Variants in SNTG2 observed in about 807,000 individuals in gnomAD.
The protein encoded by SNTG2 is gamma-2-syntrophin.
A neutral mutation model predicts 70.9 loss-of-function variants in SNTG2; 74 were observed. The ratio of observed to expected loss-of-function variants is 1.04; its 90% CI spans 0.86 to 1.27. The LOEUF is 1.27. Among genes scored for constraint, SNTG2 ranks in the 50% most tolerant of loss-of-function variants. The pLI, the probability that SNTG2 is intolerant of heterozygous loss-of-function variation, is 0.00. For synonymous variants in SNTG2, 278 were observed against 273.8 expected (o/e 1.02, Z -0.15); for missense variants, 717 against 690.7 (o/e 1.04, Z -0.43).
At chr2:1,005,004 G>A (rs1449167103) in intron 1 of SNTG2, among the ~76,000 whole-genome samples, 2 of 152,120 alleles carry the variant, frequency 1.3e-5, no homozygotes, top group East Asian at 3.8e-4. Context: ...TTATTCAACA[G>A]TAAAAAGAAA....
chr2:1,249,653 T>C (rs1036278160), intron 12 of SNTG2, among the ~76,000 whole-genome samples: 1 of 152,252 alleles, frequency 6.6e-6, no homozygotes, highest in Admixed American at 6.5e-5. Flanking sequence ...TAAGCAACTT[T>C]CCTTCAGTAT....
rs144486145 is a variant in SNTG2 at position 1,284,177 on chromosome 2, C to A, written c.1284+16606C>A. Among the ~76,000 whole-genome samples the A allele has an allele frequency of 1.1e-3, 161 of 152,276 alleles. 1 individual carries two copies. Among genetic ancestry groups the A allele is most frequent in the African/African-American group, 3.8e-3 (156 of 41,558 alleles). On this transcript the variant is annotated intron_variant, in intron 14 of 16. Transcript: ENST00000308624. ...AATTTAATTCGATTGGAACTAAGAG[C>A]GCTGGTGGTAATGTTTCTATTTCTG...
chr2:1,089,462 C>G (rs1664879656), intron 2 of SNTG2, among the ~76,000 whole-genome samples: 1 of 152,064 alleles, frequency 6.6e-6, no homozygotes, highest in African/African-American at 2.4e-5. Context: ...TGGTGAAACC[C>G]CGTTTCTACT....
At chr2:1,232,918 A>G (rs907975704) in intron 9 of SNTG2, among the ~76,000 whole-genome samples, 1 of 152,146 alleles carries the variant, frequency 6.6e-6, no homozygotes, top group Non-Finnish European at 1.5e-5. Context: ...TTATTTTCCA[A>G]AGCATGAAGG....
At chr2:1,000,009 AAAC>A (rs1359952540) in intron 1 of SNTG2, among the ~76,000 whole-genome samples, 1 of 151,964 alleles carries the variant, frequency 6.6e-6, no homozygotes, top group African/African-American at 2.4e-5. Context: ...TATGGAAATA[AAAC>A]AACCTGGTCC....
intron 1 of SNTG2, among the ~76,000 whole-genome samples, chr2:1,071,422 A>G (rs1227204425): frequency 4.8e-5 from 7 of 146,156 alleles, no homozygotes; most frequent in African/African-American, 1.8e-4. Flanking sequence ...AACACCGCAT[A>G]TTCTCGCTCA....
chr2:1,060,363 G>A (rs979108649), intron 1 of SNTG2, among the ~76,000 whole-genome samples: 1 of 152,170 alleles, frequency 6.6e-6, no homozygotes, highest in African/African-American at 2.4e-5. Flanking sequence ...GTGTATGTGT[G>A]TACTGTGTGT....
At chr2:1,206,251 C>A (rs1039819025) in intron 8 of SNTG2, among the ~76,000 whole-genome samples, 1 of 152,210 alleles carries the variant, frequency 6.6e-6, no homozygotes, top group Admixed American at 6.5e-5. Flanking sequence ...TGAGCAGCAC[C>A]TACCTTGAGC....
intron 7 of SNTG2, among the ~76,000 whole-genome samples, chr2:1,170,431 CTT>C (rs1671050741): frequency 6.6e-6 from 1 of 152,174 alleles, no homozygotes; most frequent in Non-Finnish European, 1.5e-5. Context: ...CTTCCTGTCT[CTT>C]TGTGGGTAAT....
At chr2:1,248,793 T>G (rs1197710613) in intron 12 of SNTG2, among the ~76,000 whole-genome samples, 2 of 152,168 alleles carry the variant, frequency 1.3e-5, no homozygotes, top group African/African-American at 4.8e-5. Context: ...GGGGCTGAGG[T>G]GTCGGAGGAC....
intron 14 of SNTG2, among the ~76,000 whole-genome samples, chr2:1,274,016 C>G (rs1558622326): frequency 2.0e-5 from 3 of 152,128 alleles, no homozygotes; most frequent in Admixed American, 1.3e-4. Flanking sequence ...AAAAAGATTT[C>G]TAGATGGGAA....
intron 10 of SNTG2, among the ~76,000 whole-genome samples, chr2:1,238,435 A>G (rs1321489058): frequency 6.6e-6 from 1 of 152,252 alleles, no homozygotes; most frequent in Non-Finnish European, 1.5e-5. Context: ...CATTATGAAG[A>G]TTTAGAAAAA....
intron 16 of SNTG2, among the ~76,000 whole-genome samples, chr2:1,331,507 C>T (rs1659527652): frequency 6.6e-6 from 1 of 152,164 alleles, no homozygotes; most frequent in African/African-American, 2.4e-5. Flanking sequence ...GATCCCTTGA[C>T]TTTATTCTTT....
chr2:1,270,442 T>A (rs1289483715), intron 14 of SNTG2, among the ~76,000 whole-genome samples: 1 of 152,238 alleles, frequency 6.6e-6, no homozygotes, highest in Non-Finnish European at 1.5e-5. Flanking sequence ...ACTTTTTTAA[T>A]ACATCTAAGA....
At chr2:978,085 C>A (rs1660972451) in intron 1 of SNTG2, among the ~76,000 whole-genome samples, 2 of 152,202 alleles carry the variant, frequency 1.3e-5, no homozygotes, top group African/African-American at 4.8e-5. Flanking sequence ...GGGATGGAGA[C>A]ATACCCAACA....
At chr2:969,290 G>GTAAT in intron 1 of SNTG2, among the ~76,000 whole-genome samples, 1 of 149,320 alleles carries the variant, frequency 6.7e-6, no homozygotes, top group African/African-American at 2.4e-5. Context: ...TTTGAAGTTG[G>GTAAT]GTAATGTTGT....
At chr2:1,194,981 G>T (rs984661824) in intron 8 of SNTG2, among the ~76,000 whole-genome samples, 1 of 152,086 alleles carries the variant, frequency 6.6e-6, no homozygotes, top group Admixed American at 6.5e-5. Context: ...TGCAGTGTTT[G>T]GTTTTCTGTT....
At chr2:1,083,996 G>A (rs547124464) in intron 2 of SNTG2, among the ~76,000 whole-genome samples, 4 of 151,474 alleles carry the variant, frequency 2.6e-5, no homozygotes, top group South Asian at 2.1e-4. Flanking sequence ...AGCCAAGATC[G>A]CACCACTGCA....
Position 1,137,672 on chromosome 2 carries a change from A to G in SNTG2, c.369+7A>G. 2 of 1,613,848 alleles carry G rather than the reference A, an allele frequency of 1.2e-6. No individual in the cohort carries two copies. The highest frequency in any genetic ancestry group is 1.7e-5 in the Admixed American group (1 of 59,962). The stretch of plus-strand genomic sequence containing the variant: ...AGGAGATGCTGTTCTCCAGGTCAGT[A>G]TTGTACACGTTAATCCTTAACTTGA... On this transcript the variant is annotated splice_region_variant and intron_variant, in intron 5 of 16. Transcript: ENST00000308624.
Sources: allele counts gnomAD v4.1 joint callset (sites outside exome capture counted in the v4.1 genomes callset), GRCh38; gene constraint gnomAD v4.1.1; transcripts MANE v1.5; gene names NCBI Gene and HGNC (gene_info 2026-07-23, HGNC 2026-07-21).